The following SLC25A53 variants were observed in gnomAD, a reference collection of about 807,000 sequenced individuals.
SLC25A53 encodes the protein solute carrier family 25 member 53.
SLC25A53 carries 5 observed loss-of-function variants against 15.0 expected under a neutral mutation model. The observed-to-expected ratio is 0.33, with a 90% confidence interval of 0.17 to 0.70. SLC25A53 has a LOEUF of 0.70. SLC25A53 is among the 30% of genes least tolerant of loss of function. The probability of loss-of-function intolerance (pLI) is 0.67; values close to 1 mark genes in which losing one functional copy is unlikely to be tolerated. For missense variants in SLC25A53, 216 were observed against 241.6 expected (o/e 0.89, Z 0.70); for synonymous variants, 95 against 100.0 (o/e 0.95, Z 0.30).
chrX:104,103,038 G>A lies in SLC25A53; in HGVS notation c.*1296C>T, dbSNP rs1385271942. 6.4e-5 allele frequency: 7 copies of A among 109,815 alleles called. No individual in the cohort carries two copies. The highest frequency in any genetic ancestry group is 1.9e-4 in the Admixed American group (2 of 10,277). The allele number at this position is 109,815 out of a possible 1,213,427, so 9.0% of individuals were successfully genotyped here. ...TGTAATTCCAGCTACTCGGGAGGCT[G>A]AGGCAGGAGAATCACTTGAATCCGG... On this transcript the variant is annotated 3_prime_UTR_variant, in exon 2 of 2. Coordinates refer to ENST00000594199, the MANE Select transcript of SLC25A53 (RefSeq NM_001012755.5).
chrX:104,139,927 TTC>T (rs1483488464), intron 1 of SLC25A53, among the ~76,000 whole-genome samples: 1 of 113,429 alleles, frequency 8.8e-6, no homozygotes, highest in Non-Finnish European at 1.9e-5. Context: ...TATTGATGCA[TTC>T]TCTCATTTAA....
intron 1 of SLC25A53, among the ~76,000 whole-genome samples, chrX:104,111,303 C>T (rs1441935108): frequency 9.0e-6 from 1 of 111,671 alleles, no homozygotes; most frequent in Non-Finnish European, 1.9e-5. Flanking sequence ...TCTGAGGCAG[C>T]TCACCTTGTA....
intron 1 of SLC25A53, among the ~76,000 whole-genome samples, chrX:104,147,224 T>C (rs1361286905): frequency 9.0e-6 from 1 of 111,302 alleles, no homozygotes; most frequent in Non-Finnish European, 1.9e-5. Context: ...ATTTAATAAA[T>C]GGTGCTGGGA....
chrX:104,127,708 A>G (rs1478614642), intron 1 of SLC25A53, among the ~76,000 whole-genome samples: 3 of 112,186 alleles, frequency 2.7e-5, no homozygotes, highest in African/African-American at 9.7e-5. Flanking sequence ...TCACGCCTGT[A>G]ATCCCAGCAC....
chrX:104,117,758 C>G (rs1177266312), intron 1 of SLC25A53, among the ~76,000 whole-genome samples: 2 of 111,854 alleles, frequency 1.8e-5, no homozygotes, highest in African/African-American at 3.3e-5. Context: ...TATAGTTCCC[C>G]TTGCTGCTCA....
chrX:104,126,172 G>A (rs1165178788), intron 1 of SLC25A53, among the ~76,000 whole-genome samples: 1 of 110,607 alleles, frequency 9.0e-6, no homozygotes, highest in Non-Finnish European at 1.9e-5. Flanking sequence ...AGCCAGGTAT[G>A]GTGGCACATG....
Position 104,105,200 on chromosome X carries a change from C to T in SLC25A53, c.58G>A (p.Ala20Thr). Residue 20 changes from alanine to threonine, a missense_variant, in exon 2 of 2, where the codon GCT becomes ACT. Ala to Thr is a moderately conservative substitution (Grantham distance 58). Coordinates refer to ENST00000594199, the MANE Select transcript of SLC25A53 (RefSeq NM_001012755.5). ...KELQHRTRAEAPGKKSWHSQA... is the reference protein window; with the variant it reads ...KELQHRTRAETPGKKSWHSQA... ...GAATGCCAGCTTTTCTTTCCTGGAG[C>T]CTCTGCTCGCGTCCTGTGCTGAAGC... The T allele has an allele frequency of 3.3e-6, 4 of 1,211,829 alleles. No individual in the cohort carries two copies. The highest frequency in any genetic ancestry group is 4.5e-6 in the Non-Finnish European group (4 of 895,425).
chrX:104,122,760 G>T (rs1489274774), intron 1 of SLC25A53, among the ~76,000 whole-genome samples: 3 of 111,444 alleles, frequency 2.7e-5, no homozygotes, highest in African/African-American at 9.8e-5. Context: ...ACCTCTCAGA[G>T]CAGGGAGTCA....
Position 104,105,109 on chromosome X carries a change from T to C in SLC25A53, c.149A>G (p.Lys50Arg). The C allele has an allele frequency of 8.3e-7, 1 of 1,211,993 alleles. No individual in the cohort carries two copies. The highest frequency in any genetic ancestry group is 1.1e-6 in the Non-Finnish European group (1 of 895,580). ...MSTFLTFPIY[K>R]VVFRQQIHAM... is the part of the protein sequence containing the mutation. ...ATGGATCTGTTGCCGGAACACAACC[T>C]TATAGATAGGAAAGGTCAGAAAAGT... Residue 50 changes from lysine (K) to arginine (R), a missense_variant, in exon 2 of 2, where the codon AAG becomes AGG. Physicochemically the swap from Lys to Arg is conservative, Grantham distance 26 (BLOSUM62 2). Transcript: ENST00000594199.
chrX:104,152,156 C>G (rs1556370461), intron 1 of SLC25A53, among the ~76,000 whole-genome samples: 1 of 108,904 alleles, frequency 9.2e-6, no homozygotes, highest in East Asian at 2.9e-4. Flanking sequence ...ATACATGTGC[C>G]ATGTTGGTGT....
chrX:104,105,019 C>T lies in SLC25A53; in HGVS notation c.239G>A (p.Gly80Glu). ...WHEGPQYFYRGIYPPLLSKTL... is the reference protein window; with the variant it reads ...WHEGPQYFYREIYPPLLSKTL... The stretch of plus-strand genomic sequence containing the variant: ...CTTGGAGAGAAGAGGAGGGTAGATT[C>T]CCCGGTAGAAGTATTGAGGACCTTC... The change falls in exon 2 of 2, where the codon GGA (glycine) becomes GAA (glutamate). Residue 80 changes from glycine to glutamate, a missense_variant. Physicochemically the swap from Gly to Glu is moderately conservative, Grantham distance 98. Coordinates refer to ENST00000594199, the MANE Select transcript of SLC25A53 (RefSeq NM_001012755.5). 1.7e-6 allele frequency: 2 copies of T among 1,211,621 alleles called. No individual in the cohort carries two copies. The highest frequency in any genetic ancestry group is 2.2e-6 in the Non-Finnish European group (2 of 895,465).
At chrX:104,135,303 C>T (rs782157019) in intron 1 of SLC25A53, among the ~76,000 whole-genome samples, 1 of 110,218 alleles carries the variant, frequency 9.1e-6, no homozygotes, top group African/African-American at 3.3e-5. Context: ...GCTTCATGAT[C>T]CCCAGATTTT....
chrX:104,138,655 C>T (rs1292816408), intron 1 of SLC25A53, among the ~76,000 whole-genome samples: 1 of 112,423 alleles, frequency 8.9e-6, no homozygotes, highest in Non-Finnish European at 1.9e-5. Flanking sequence ...TCAGATCACA[C>T]GTGGGCTTGG....
intron 1 of SLC25A53, among the ~76,000 whole-genome samples, chrX:104,151,267 G>C (rs1192298101): frequency 9.0e-6 from 1 of 111,140 alleles, no homozygotes; most frequent in Non-Finnish European, 1.9e-5. Flanking sequence ...TCACACACAG[G>C]GTGCTTAAGC....
intron 1 of SLC25A53, among the ~76,000 whole-genome samples, chrX:104,124,838 CCTTT>C (rs1294503462): frequency 1.2e-5 from 1 of 86,635 alleles, no homozygotes; most frequent in Non-Finnish European, 2.4e-5. Context: ...TAACTTTTTT[CCTTT>C]TTTTTTTTTT....
intron 1 of SLC25A53, among the ~76,000 whole-genome samples, chrX:104,116,991 C>T (rs1228187465): frequency 3.5e-4 from 36 of 103,124 alleles, no homozygotes; most frequent in Non-Finnish European, 4.0e-5. Context: ...TCATTCATAC[C>T]CCCCTGCTCC....
Position 104,102,334 on chromosome X carries a change from T to C in SLC25A53, c.*2000A>G, listed in dbSNP as rs1484301522. ...ATGTCATCTTGGAAATCCTCAAAAT[T>C]CCAGAGTTGAAACAAATGGTACAGT... On this transcript the variant is annotated 3_prime_UTR_variant, in exon 2 of 2. Coordinates refer to ENST00000594199, the MANE Select transcript of SLC25A53 (RefSeq NM_001012755.5). 1 of 112,190 alleles carries C rather than the reference T, an allele frequency of 8.9e-6. No homozygotes were observed. Among genetic ancestry groups the C allele is most frequent in the African/African-American group, 3.2e-5 (1 of 30,856 alleles). 9.2% of individuals were successfully genotyped at this position (112,190 alleles called of 1,213,427 possible).
chrX:104,102,710 G>A lies in SLC25A53; in HGVS notation c.*1624C>T, dbSNP rs1289231290. The A allele has an allele frequency of 3.6e-5, 4 of 111,717 alleles. No homozygotes were observed. The highest frequency in any genetic ancestry group is 7.5e-5 in the Non-Finnish European group (4 of 53,154). 9.2% of individuals were successfully genotyped at this position (111,717 alleles called of 1,213,427 possible). On this transcript the variant is annotated 3_prime_UTR_variant, in exon 2 of 2. Transcript: ENST00000594199. ...TAGGCACAATGGAAGATTTTAAAAT[G>A]CATACAAAAATCCCTGCTTTCAATG...
At chrX:104,126,725 G>A (rs1164542685) in intron 1 of SLC25A53, among the ~76,000 whole-genome samples, 1 of 111,940 alleles carries the variant, frequency 8.9e-6, no homozygotes, top group African/African-American at 3.3e-5. Context: ...AAAAGAATAC[G>A]CAGATGGCAA....
Sources: gnomAD v4.1 joint callset for allele counts (sites outside exome capture counted in the v4.1 genomes callset) on GRCh38, gnomAD v4.1.1 for gene constraint, MANE v1.5 for transcripts, NCBI Gene and HGNC (gene_info 2026-07-23, HGNC 2026-07-21) for gene names.